ARHGAP31: variants seen among roughly 807,000 people sequenced by gnomAD.
ARHGAP31 encodes the protein rho GTPase-activating protein 31.
In ARHGAP31, 34 loss-of-function variants were observed where a neutral mutation model predicts 113.9. The observed-to-expected ratio is 0.30, with a 90% CI of 0.23 to 0.40. ARHGAP31 has a LOEUF of 0.40. ARHGAP31 is among the 10% of genes least tolerant of loss of function. The pLI is 1.00. For synonymous variants in ARHGAP31, 650 were observed against 684.8 expected (o/e 0.95, Z 0.79); for missense variants, 1,548 against 1,767.1 (o/e 0.88, Z 2.22).
At chr3:119,332,216 T>C (rs2079897483) in intron 1 of ARHGAP31, among the ~76,000 whole-genome samples, 2 of 152,190 alleles carry the variant, frequency 1.3e-5, no homozygotes, top group South Asian at 4.1e-4. Context: ...TTGTTTTTTT[T>C]GAGACAGAGT....
At chr3:119,299,639 C>T (rs2079562835) in intron 1 of ARHGAP31, among the ~76,000 whole-genome samples, 1 of 152,018 alleles carries the variant, frequency 6.6e-6, no homozygotes, top group South Asian at 2.1e-4. Context: ...TTTATTAAGG[C>T]ATTGTGGTAG....
chr3:119,411,300 A>C (rs1407271525), intron 11 of ARHGAP31, among the ~76,000 whole-genome samples: 1 of 152,202 alleles, frequency 6.6e-6, no homozygotes. Flanking sequence ...GCACGAATGC[A>C]TCAGGAGGGG....
At chr3:119,402,515 T>C (rs1466478554) in intron 10 of ARHGAP31, 118 bp downstream of exon 10, 18 of 1,114,204 alleles carry the variant, frequency 1.6e-5, no homozygotes, top group East Asian at 5.1e-5. Flanking sequence ...TAGAGCCCGA[T>C]TGGGTACAAA....
intron 1 of ARHGAP31, among the ~76,000 whole-genome samples, chr3:119,338,943 A>G (rs1323442153): frequency 6.6e-6 from 1 of 152,240 alleles, no homozygotes; most frequent in East Asian, 1.9e-4. Context: ...GAAAATGGAA[A>G]CAGATTGGCA....
At chr3:119,399,117 G>T in intron 8 of ARHGAP31, 82 bp from the exon 9 acceptor site, 1 of 1,264,618 alleles carries the variant, frequency 7.9e-7, no homozygotes, top group Non-Finnish European at 1.1e-6. Context: ...TTTGTCTTGG[G>T]TACTTAAACA....
intron 1 of ARHGAP31, among the ~76,000 whole-genome samples, chr3:119,311,680 A>G (rs1433816111): frequency 2.6e-5 from 4 of 152,160 alleles, no homozygotes; most frequent in African/African-American, 7.2e-5. Context: ...TGGACATCAA[A>G]TGCCACCATC....
chr3:119,399,071 G>A, intron 8 of ARHGAP31, 128 bp from the exon 9 acceptor site: 2 of 757,302 alleles, frequency 2.6e-6, no homozygotes, highest in East Asian at 5.4e-5. Flanking sequence ...TGTTTCCAAG[G>A]GGATCAATTA....
intron 9 of ARHGAP31, among the ~76,000 whole-genome samples, chr3:119,401,033 C>T (rs1016632329): frequency 2.0e-5 from 3 of 151,840 alleles, no homozygotes; most frequent in Admixed American, 6.6e-5. Context: ...TAGCCGGGCG[C>T]GGTGGCAGGT....
Position 119,390,777 on chromosome 3 carries a change from C to T in ARHGAP31, c.683-8C>T, listed in dbSNP as rs2080496612. ...CTCCAACACTGAGCTCTTCCATTGC[C>T]TTTACAGAAAACCGGCCCATCATGA... is the stretch of plus-strand genomic sequence containing the variant. On this transcript the variant is annotated splice_polypyrimidine_tract_variant and splice_region_variant and intron_variant, in intron 6 of 11. Transcript: ENST00000264245. 1 of 1,611,698 alleles carries T rather than the reference C, an allele frequency of 6.2e-7. No homozygotes were observed. Among genetic ancestry groups the T allele is most frequent in the Non-Finnish European group, 8.5e-7 (1 of 1,179,906 alleles).
At chr3:119,377,752 C>CTT (rs5852201) in intron 3 of ARHGAP31, among the ~76,000 whole-genome samples, 143 of 141,606 alleles carry the variant, frequency 1.0e-3, no homozygotes, top group African/African-American at 3.1e-3. Context: ...GGATGCTTTC[C>CTT]TTTTTTTTTT....
rs2079833148 is a variant in ARHGAP31, at chr3:119,325,555, G to A, written c.100+30551G>A. ...CTGTATTCTGGGAAGGCCTCTATGGGCCAGTCCCAGAGCCTTTGAACCAGG... is the reference window on the plus strand; with the variant it reads ...CTGTATTCTGGGAAGGCCTCTATGGACCAGTCCCAGAGCCTTTGAACCAGG... On this transcript the variant is annotated intron_variant, in intron 1 of 11. Coordinates refer to ENST00000264245, the MANE Select transcript of ARHGAP31 (RefSeq NM_020754.4). 2.0e-5 allele frequency among the ~76,000 whole-genome samples: 3 copies of A among 151,736 alleles called. No homozygotes were observed. In the East Asian group the frequency reaches 5.8e-4, roughly 29 times the overall value.
chr3:119,317,807 G>T (rs1368389518), intron 1 of ARHGAP31, among the ~76,000 whole-genome samples: 4 of 152,186 alleles, frequency 2.6e-5, no homozygotes, highest in Non-Finnish European at 5.9e-5. Context: ...GTACTACTGT[G>T]ACATGGGGTA....
At position 119,415,828 on chromosome 3, in the gene ARHGAP31, C is replaced by T. The variant is rs756817140; in HGVS notation, c.3899C>T (p.Thr1300Ile). ...CCAGGCTCGTCTAACCTGCTCTCCA[C>T]CCAGGATGCAGTAGTGCAATGCAGA... ...PEPGSSNLLSTQDAVVQCRKR... is the reference protein window; with the variant it reads ...PEPGSSNLLSIQDAVVQCRKR... Residue 1300 changes from threonine to isoleucine, a missense_variant, in exon 12 of 12, where the codon ACC becomes ATC. Thr to Ile is a moderately conservative substitution (Grantham distance 89). Transcript: ENST00000264245. 6.2e-7 allele frequency: 1 copy of T among 1,614,234 alleles called. No individual in the cohort carries two copies. Among genetic ancestry groups the T allele is most frequent in the Non-Finnish European group, 8.5e-7 (1 of 1,180,046 alleles).
At chr3:119,334,088 C>G (rs1470306811) in intron 1 of ARHGAP31, among the ~76,000 whole-genome samples, 1 of 152,194 alleles carries the variant, frequency 6.6e-6, no homozygotes, top group Non-Finnish European at 1.5e-5. Flanking sequence ...AATATAGGCT[C>G]CTGGAGGGGG....
chr3:119,315,199 A>G (rs1432324523), intron 1 of ARHGAP31, among the ~76,000 whole-genome samples: 1 of 152,258 alleles, frequency 6.6e-6, no homozygotes, highest in Admixed American at 6.5e-5. Context: ...TGCTTTTTGT[A>G]ACAATGAACA....
At chr3:119,349,955 A>G (rs1011221592) in intron 1 of ARHGAP31, among the ~76,000 whole-genome samples, 1 of 152,344 alleles carries the variant, frequency 6.6e-6, no homozygotes, top group African/African-American at 2.4e-5. Context: ...TTCTTTACAT[A>G]GATGGATAAT....
chr3:119,362,767 TAAAAA>T (rs746820025), intron 1 of ARHGAP31, among the ~76,000 whole-genome samples: 1 of 119,358 alleles, frequency 8.4e-6, no homozygotes. Flanking sequence ...AAACTCTGTC[TAAAAA>T]AAAAAAAAAA....
In ARHGAP31 at chr3:119,382,330, C is replaced by T; in HGVS notation, c.470C>T (p.Ala157Val). The change falls in exon 5 of 12, where the codon GCC (alanine) becomes GTC (valine). Residue 157 changes from alanine to valine, a missense_variant. Ala to Val is a moderately conservative substitution (Grantham distance 64). Coordinates refer to ENST00000264245, the MANE Select transcript of ARHGAP31 (RefSeq NM_020754.4). ...EYLIRHLAHIASFSSKTNMHA... is the reference protein window; with the variant it reads ...EYLIRHLAHIVSFSSKTNMHA... ...CTGATTCGACACCTGGCCCATATCG[C>T]CTCCTTCAGCAGCAAGACCAACATG... The T allele has an allele frequency of 6.2e-7, 1 of 1,614,182 alleles. No individual in the cohort carries two copies. The highest frequency in any genetic ancestry group is 8.5e-7 in the Non-Finnish European group (1 of 1,180,030).
At chr3:119,378,584 C>A (rs2080368926) in intron 3 of ARHGAP31, among the ~76,000 whole-genome samples, 1 of 152,150 alleles carries the variant, frequency 6.6e-6, no homozygotes, top group African/African-American at 2.4e-5. Context: ...AAGCATGATT[C>A]CGGCTTTGCA....
Sources: gnomAD v4.1 joint callset for allele counts (sites outside exome capture counted in the v4.1 genomes callset) on GRCh38, gnomAD v4.1.1 for gene constraint, MANE v1.5 for transcripts, NCBI Gene and HGNC (gene_info 2026-07-23, HGNC 2026-07-21) for gene names.